Variants in UBASH3B observed in about 807,000 individuals in gnomAD.
UBASH3B encodes the protein ubiquitin-associated and SH3 domain-containing protein B.
UBASH3B carries 37 observed loss-of-function variants against 83.4 expected under a neutral mutation model. That is an observed-to-expected ratio of 0.44 (90% CI 0.34 to 0.58). The LOEUF is 0.58. Ranked by LOEUF, UBASH3B falls within the 20% of genes least tolerant of loss-of-function variation. UBASH3B has a pLI of 0.01. For missense variants in UBASH3B, 657 were observed against 827.2 expected, an observed-to-expected ratio of 0.79 and a Z score of 2.52; for synonymous variants, 304 against 318.3, an observed-to-expected ratio of 0.96 and a Z score of 0.48.
At chr11:122,674,152 T>TA (rs1470942764) in intron 1 of UBASH3B, among the ~76,000 whole-genome samples, 1 of 152,096 alleles carries the variant, frequency 6.6e-6, no homozygotes, top group Non-Finnish European at 1.5e-5. Context: ...ACCAAATAAG[T>TA]ATACAGCAGT....
chr11:122,669,741 A>C (rs934310723), intron 1 of UBASH3B, among the ~76,000 whole-genome samples: 2 of 152,240 alleles, frequency 1.3e-5, no homozygotes, highest in Non-Finnish European at 2.9e-5. Flanking sequence ...ATTTTGTTTT[A>C]TTCTTCATAA....
At chr11:122,682,016 T>G (rs1349304047) in intron 1 of UBASH3B, among the ~76,000 whole-genome samples, 1 of 152,080 alleles carries the variant, frequency 6.6e-6, no homozygotes, top group Non-Finnish European at 1.5e-5. Flanking sequence ...GATGGGCCCA[T>G]CTCCTGTCTG....
intron 3 of UBASH3B, 52 bp from the exon 4 acceptor site, chr11:122,779,445 G>A: frequency 6.2e-7 from 1 of 1,600,520 alleles, no homozygotes; most frequent in South Asian, 1.1e-5. Flanking sequence ...AGTAGCAGCA[G>A]ACTTCCATCT....
chr11:122,776,078 C>A, intron 1 of UBASH3B, 141 bp from the exon 2 acceptor site: 1 of 658,584 alleles, frequency 1.5e-6, no homozygotes, highest in Non-Finnish European at 2.6e-6. Flanking sequence ...GGGGGAAAAC[C>A]TGCTGCAGGT....
chr11:122,729,850 G>A (rs547334959), intron 1 of UBASH3B, among the ~76,000 whole-genome samples: 3 of 144,042 alleles, frequency 2.1e-5, no homozygotes, highest in South Asian at 4.5e-4. Flanking sequence ...AGTTAGCTTC[G>A]TACCTGAGGT....
intron 4 of UBASH3B, among the ~76,000 whole-genome samples, chr11:122,780,933 C>A (rs910395175): frequency 9.9e-5 from 15 of 152,210 alleles, no homozygotes; most frequent in African/African-American, 3.6e-4. Flanking sequence ...TGCTCCTTAG[C>A]CTTTTGGCCT....
At chr11:122,701,966 G>T (rs1420687858) in intron 1 of UBASH3B, among the ~76,000 whole-genome samples, 1 of 152,074 alleles carries the variant, frequency 6.6e-6, no homozygotes, top group Non-Finnish European at 1.5e-5. Flanking sequence ...TGATCCTCCT[G>T]CCTCGGCCTC....
At chr11:122,730,596 T>C (rs1860826902) in intron 1 of UBASH3B, among the ~76,000 whole-genome samples, 1 of 151,850 alleles carries the variant, frequency 6.6e-6, no homozygotes, top group Non-Finnish European at 1.5e-5. Flanking sequence ...GGATTCTTTT[T>C]TTTTTTTTTT....
intron 1 of UBASH3B, among the ~76,000 whole-genome samples, chr11:122,717,015 AG>A (rs1207093163): frequency 6.6e-6 from 1 of 152,156 alleles, no homozygotes; most frequent in African/African-American, 2.4e-5. Flanking sequence ...AGCACAGCCG[AG>A]GCCAAGGTGT....
At chr11:122,665,471 G>T (rs1273561746) in intron 1 of UBASH3B, among the ~76,000 whole-genome samples, 1 of 152,212 alleles carries the variant, frequency 6.6e-6, no homozygotes, top group Non-Finnish European at 1.5e-5. Context: ...TGGGATTACA[G>T]GCATGAGCCC....
intron 6 of UBASH3B, among the ~76,000 whole-genome samples, chr11:122,791,189 T>C (rs140247067): frequency 3.9e-4 from 59 of 152,330 alleles, no homozygotes; most frequent in African/African-American, 1.3e-3. Flanking sequence ...CAGCCAACCC[T>C]GCTCAAAGTA....
At chr11:122,701,382 G>T (rs1864038384) in intron 1 of UBASH3B, among the ~76,000 whole-genome samples, 1 of 152,172 alleles carries the variant, frequency 6.6e-6, no homozygotes, top group African/African-American at 2.4e-5. Context: ...ACATAGCATG[G>T]AAATAATAAA....
intron 1 of UBASH3B, among the ~76,000 whole-genome samples, chr11:122,711,755 C>T (rs938297563): frequency 6.6e-6 from 1 of 152,182 alleles, no homozygotes; most frequent in Admixed American, 6.5e-5. Flanking sequence ...GCATTTCCAT[C>T]TCTAAAATGG....
At chr11:122,730,822 C>T (rs576294673) in intron 1 of UBASH3B, among the ~76,000 whole-genome samples, 266 of 152,104 alleles carry the variant, frequency 1.7e-3, no homozygotes, top group African/African-American at 6.1e-3. Flanking sequence ...CTTGAACTCC[C>T]GACCTCAGGT....
chr11:122,796,900 T>C lies in UBASH3B; in HGVS notation c.1235-11T>C. 1 of 1,614,096 alleles carries C rather than the reference T, an allele frequency of 6.2e-7. No individual in the cohort carries two copies. Among genetic ancestry groups the C allele is most frequent in the East Asian group, 2.2e-5 (1 of 44,878 alleles). The stretch of plus-strand genomic sequence containing the variant: ...TGTATGTATCCTCTGTCTAACCTCT[T>C]TGTTTTTCAGGCCGCTACATACGCA... On this transcript the variant is annotated splice_polypyrimidine_tract_variant and intron_variant, in intron 8 of 13. Transcript: ENST00000284273.
chr11:122,731,946 G>T (rs560981023), intron 1 of UBASH3B, among the ~76,000 whole-genome samples: 9 of 152,242 alleles, frequency 5.9e-5, no homozygotes, highest in Admixed American at 1.3e-4. Flanking sequence ...AGAGTTCTTA[G>T]TTTGAAGGAG....
At position 122,674,471 on chromosome 11, in the gene UBASH3B, C is replaced by T. The variant is rs548420212; in HGVS notation, c.161+18261C>T. The stretch of plus-strand genomic sequence containing the variant: ...TCTCAGTTCACTGCAAGCTCCGCCT[C>T]CCCGGTTCACGCCATTCTCCTGCCT... On this transcript the variant is annotated intron_variant, in intron 1 of 13. Transcript: ENST00000284273. Among the ~76,000 whole-genome samples, 200 of 150,454 alleles carry T rather than the reference C, an allele frequency of 1.3e-3. 1 individual carries two copies. The highest frequency in any genetic ancestry group is 4.6e-3 in the African/African-American group (190 of 40,988).
chr11:122,693,796 G>A (rs953055608), intron 1 of UBASH3B, among the ~76,000 whole-genome samples: 2 of 152,178 alleles, frequency 1.3e-5, no homozygotes, highest in East Asian at 1.9e-4. Flanking sequence ...TCTTGAACCC[G>A]GGAGGCGGAG....
intron 1 of UBASH3B, among the ~76,000 whole-genome samples, chr11:122,692,215 G>A (rs1038553531): frequency 6.6e-6 from 1 of 152,140 alleles, no homozygotes; most frequent in Non-Finnish European, 1.5e-5. Flanking sequence ...CTCCATATAA[G>A]TCAGCAATAA....
Sources: allele counts gnomAD v4.1 joint callset (sites outside exome capture counted in the v4.1 genomes callset), GRCh38; gene constraint gnomAD v4.1.1; transcripts MANE v1.5; gene names NCBI Gene and HGNC (gene_info 2026-07-23, HGNC 2026-07-21).